The following TNRC6C variants were observed in gnomAD, a reference collection of about 807,000 sequenced individuals.
The protein encoded by TNRC6C is trinucleotide repeat-containing gene 6C protein.
Under a neutral mutation model 153.7 loss-of-function variants are expected in TNRC6C, and 20 were observed. That is an observed-to-expected ratio of 0.13 (90% CI 0.09 to 0.19). The LOEUF is 0.19. TNRC6C is among the 10% of genes least tolerant of loss of function. The pLI is 1.00. For synonymous variants in TNRC6C, 811 were observed against 841.4 expected (o/e 0.96, Z 0.63); for missense variants, 1,987 against 2,172.0 (o/e 0.91, Z 1.69).
exon 3 of TNRC6C, chr17:78,051,325 A>C: frequency 6.4e-7 from 1 of 1,551,772 alleles, no homozygotes; most frequent in Non-Finnish European, 8.7e-7. Flanking sequence ...CATCCAGAGC[A>C]GTACCACGAC....
chr17:78,085,951 A>G (rs1322177461), intron 11 of TNRC6C, among the ~76,000 whole-genome samples: 2 of 151,970 alleles, frequency 1.3e-5, no homozygotes, highest in African/African-American at 4.8e-5. Flanking sequence ...CTAAACAGGT[A>G]TTGACTCTGT....
chr17:77,973,198 G>A (rs1223688187), intron 1 of TNRC6C, among the ~76,000 whole-genome samples: 2 of 152,142 alleles, frequency 1.3e-5, no homozygotes, highest in African/African-American at 2.4e-5. Context: ...GAGCCACTAC[G>A]CCTGGGCAAT....
At chr17:77,977,251 T>G (rs962906972) in intron 1 of TNRC6C, among the ~76,000 whole-genome samples, 1 of 152,216 alleles carries the variant, frequency 6.6e-6, no homozygotes, top group Non-Finnish European at 1.5e-5. Flanking sequence ...AAATATAGCT[T>G]GATTAATTGA....
At chr17:78,009,564 G>GT (rs1275806868) in intron 1 of TNRC6C, among the ~76,000 whole-genome samples, 1 of 151,854 alleles carries the variant, frequency 6.6e-6, no homozygotes, top group African/African-American at 2.4e-5. Flanking sequence ...TTATGTTTTT[G>GT]TTTTTTTGAG....
At chr17:78,093,380 T>C in intron 15 of TNRC6C, 1 of 663,518 alleles carries the variant, frequency 1.5e-6, no homozygotes, top group Non-Finnish European at 2.5e-6. Context: ...CACTGCACAC[T>C]ATCCGGTAAA....
In TNRC6C at chr17:78,086,862, A is replaced by T. The variant is rs35293083; in HGVS notation, c.3571A>T (p.Thr1191Ser). Residue 1191 changes from threonine (T) to serine (S), a missense_variant, in exon 13 of 20, where the codon ACA becomes TCA. Thr to Ser is a moderately conservative substitution (Grantham distance 58). This residue lies in a region of TNRC6C where 765 missense variants were observed against 908.6 expected (regional missense o/e 0.84). Coordinates refer to ENST00000301624, the Ensembl canonical transcript of TNRC6C. ...TGTCTCTGCCTGCCAGGTTGCGCGC[A>T]CAATCACTAATCTGCAGCAGCAGAT... is the stretch of plus-strand genomic sequence containing the variant. The T allele has an allele frequency of 1.8e-4, 293 of 1,611,928 alleles. No individual in the cohort carries two copies. The highest frequency in any genetic ancestry group is 2.3e-4 in the Non-Finnish European group (267 of 1,179,626).
chr17:78,046,477 C>T (rs181955230), intron 2 of TNRC6C, among the ~76,000 whole-genome samples: 4 of 152,266 alleles, frequency 2.6e-5, no homozygotes, highest in East Asian at 3.9e-4. Flanking sequence ...TGCGCCTGGC[C>T]GGGAATTCTT....
chr17:78,032,456 T>C (rs554793932), intron 2 of TNRC6C, among the ~76,000 whole-genome samples: 3 of 152,344 alleles, frequency 2.0e-5, no homozygotes, highest in Non-Finnish European at 4.4e-5. Context: ...TTTTCCAATC[T>C]CCTTGACTTG....
chr17:78,097,041 A>G (rs1173215993), intron 16 of TNRC6C, among the ~76,000 whole-genome samples: 1 of 152,128 alleles, frequency 6.6e-6, no homozygotes, highest in Non-Finnish European at 1.5e-5. Flanking sequence ...TCTCTTAATT[A>G]TTCCTGTATT....
rs570366601 is a variant in TNRC6C, at chr17:78,076,140, C to T, written c.3060+862C>T. Among the ~76,000 whole-genome samples, 36 of 151,512 alleles carry T rather than the reference C, an allele frequency of 2.4e-4. 1 individual carries two copies. The Middle Eastern group carries it at 0.017, about 72-fold the overall frequency. On this transcript the variant is annotated intron_variant, in intron 8 of 19. Coordinates refer to ENST00000301624, the Ensembl canonical transcript of TNRC6C. ...CTGAGGCAGGAGAATTGCTTGAACCCGGGAGGCGGAGGTTGCAGTAAGCTG... is the reference window on the plus strand; with the variant it reads ...CTGAGGCAGGAGAATTGCTTGAACCTGGGAGGCGGAGGTTGCAGTAAGCTG...
upstream of TNRC6C, chr17:78,004,270 G>T: frequency 8.1e-7 from 1 of 1,231,696 alleles, no homozygotes; most frequent in Non-Finnish European, 1.0e-6. Context: ...TCAGAAAAAG[G>T]TTTGGCTGAA....
At chr17:78,041,916 C>G (rs1366725544) in intron 2 of TNRC6C, among the ~76,000 whole-genome samples, 1 of 152,212 alleles carries the variant, frequency 6.6e-6, no homozygotes, top group Non-Finnish European at 1.5e-5. Context: ...AGTACCAGTA[C>G]AGCATTCTGC....
At chr17:78,002,989 G>A (rs972267397), upstream of TNRC6C, among the ~76,000 whole-genome samples, 1 of 152,154 alleles carries the variant, frequency 6.6e-6, no homozygotes, top group Non-Finnish European at 1.5e-5. Flanking sequence ...AAGAACAGGT[G>A]CCATGTAAAT....
Position 78,036,232 on chromosome 17 carries a change from C to T in TNRC6C, c.-219+4390C>T, listed in dbSNP as rs560098466. Among the ~76,000 whole-genome samples, 5 of 152,268 alleles carry T rather than the reference C, an allele frequency of 3.3e-5. No individual in the cohort carries two copies. In the East Asian group the frequency reaches 7.7e-4, roughly 24 times the overall value. On this transcript the variant is annotated intron_variant, in intron 2 of 19. Coordinates refer to ENST00000301624, the Ensembl canonical transcript of TNRC6C. ...TAGTACGTAAACTCTTTGTGCCCTC[C>T]CCCCAGGTTTTAGTGTGCTTAGCGA...
chr17:78,053,938 A>C (rs1009094111), intron 3 of TNRC6C, among the ~76,000 whole-genome samples: 2 of 152,194 alleles, frequency 1.3e-5, no homozygotes, highest in Admixed American at 1.3e-4. Context: ...ATGGTGATAC[A>C]TTCTAAGAAA....
At chr17:78,058,386 CAA>C (rs1325545971) in intron 3 of TNRC6C, among the ~76,000 whole-genome samples, 1 of 152,186 alleles carries the variant, frequency 6.6e-6, no homozygotes, top group African/African-American at 2.4e-5. Flanking sequence ...TGCAGACACA[CAA>C]GAGAACATTG....
chr17:78,078,686 C>T lies in TNRC6C; in HGVS notation c.3211-709C>T, dbSNP rs544543872. Among the ~76,000 whole-genome samples the T allele has an allele frequency of 1.8e-4, 28 of 152,232 alleles. No individual in the cohort carries two copies. In the East Asian group the frequency reaches 2.3e-3, roughly 13 times the overall value. On this transcript the variant is annotated intron_variant, in intron 9 of 19. Coordinates refer to ENST00000301624, the Ensembl canonical transcript of TNRC6C. ...CACTCATTAAAAATTCACTTGGGGC[C>T]GAACGAGGTGGCTCACGCCTGTAAT... is the stretch of plus-strand genomic sequence containing the variant.
chr17:78,100,924 T>C (rs1389397696), intron 17 of TNRC6C, among the ~76,000 whole-genome samples: 1 of 151,886 alleles, frequency 6.6e-6, no homozygotes, highest in Non-Finnish European at 1.5e-5. Flanking sequence ...TACAGGTGCC[T>C]GCCACCATGC....
At position 77,986,071 on chromosome 17, in the gene TNRC6C, T is replaced by TA. The variant is rs541887473; in HGVS notation, c.-37-18092dup. Among the ~76,000 whole-genome samples, 9 of 152,200 alleles carry TA rather than the reference T, an allele frequency of 5.9e-5. No individual in the cohort carries two copies. In the East Asian group the frequency reaches 1.5e-3, roughly 26 times the overall value. ...TGATCTAATACATAAAAATCAATTTTAAAAAAATTATAAAATACCTAGACA... is the reference window on the plus strand; with the variant it reads ...TGATCTAATACATAAAAATCAATTTTAAAAAAAATTATAAAATACCTAGACA... On this transcript the variant is annotated intron_variant, in intron 1 of 22. Coordinates refer to the TNRC6C transcript ENST00000636222.
Sources: gnomAD v4.1 joint callset for allele counts (sites outside exome capture counted in the v4.1 genomes callset) on GRCh38, gnomAD v4.1.1 for gene constraint, gnomAD v4.1.1 regional missense constraint, MANE v1.5 for transcripts, NCBI Gene and HGNC (gene_info 2026-07-23, HGNC 2026-07-21) for gene names.